The following SLC8A1 variants were observed in gnomAD, a reference collection of about 807,000 sequenced individuals.
SLC8A1 encodes the protein sodium/calcium exchanger 1.
In SLC8A1, 18 loss-of-function variants were observed where a neutral mutation model predicts 68.3. That is an observed-to-expected ratio of 0.26 (90% CI 0.18 to 0.39). The LOEUF (loss-of-function observed/expected upper bound fraction) is 0.39. SLC8A1 is among the 10% of genes least tolerant of loss of function. SLC8A1 has a pLI of 1.00. For synonymous variants in SLC8A1, 475 were observed against 415.5 expected (o/e 1.14, Z -1.74); for missense variants, 985 against 1,156.7 (o/e 0.85, Z 2.15).
intron 2 of SLC8A1, among the ~76,000 whole-genome samples, chr2:40,389,927 T>C (rs1365486456): frequency 6.6e-6 from 1 of 151,080 alleles, no homozygotes; most frequent in Non-Finnish European, 1.5e-5. Flanking sequence ...TTCCAATTTA[T>C]AGACACACAC....
chr2:40,400,413 G>C (rs1031939329), intron 2 of SLC8A1, among the ~76,000 whole-genome samples: 3 of 152,182 alleles, frequency 2.0e-5, no homozygotes, highest in Non-Finnish European at 4.4e-5. Context: ...GGCTATCTGA[G>C]AATTCACAAA....
chr2:40,413,692 A>G (rs1055213173), intron 2 of SLC8A1, among the ~76,000 whole-genome samples: 4 of 152,200 alleles, frequency 2.6e-5, no homozygotes, highest in Non-Finnish European at 4.4e-5. Context: ...ACTGCACAGC[A>G]TGATACAAAT....
At chr2:40,461,900 G>A (rs1703359032) in intron 1 of SLC8A1, among the ~76,000 whole-genome samples, 1 of 149,952 alleles carries the variant, frequency 6.7e-6, no homozygotes, top group African/African-American at 2.5e-5. Context: ...GAAATCTAGT[G>A]TTGATTTAAC....
intron 2 of SLC8A1, among the ~76,000 whole-genome samples, chr2:40,285,318 G>A (rs1328173524): frequency 6.6e-6 from 1 of 152,120 alleles, no homozygotes; most frequent in Non-Finnish European, 1.5e-5. Context: ...TAAGATAAGG[G>A]TTCTTTGTAA....
At position 40,395,182 on chromosome 2, in the gene SLC8A1, T is replaced by C. The variant is rs190642487; in HGVS notation, c.1808+33291A>G. Among the ~76,000 whole-genome samples, 44 of 152,214 alleles carry C rather than the reference T, an allele frequency of 2.9e-4. No individual in the cohort carries two copies. The South Asian group carries it at 8.5e-3, about 29-fold the overall frequency. Reference sequence around the variant, plus strand: ...GCAACAACTAAAGAAACAAAAACCTTTTGAGAAGTCTAAAAGAAGTAGAGA... The same window carrying C: ...GCAACAACTAAAGAAACAAAAACCTCTTGAGAAGTCTAAAAGAAGTAGAGA... On this transcript the variant is annotated intron_variant, in intron 2 of 7. Coordinates refer to ENST00000406785, the Ensembl canonical transcript of SLC8A1.
chr2:40,182,281 G>C (rs1431298181), intron 2 of SLC8A1, among the ~76,000 whole-genome samples: 2 of 152,056 alleles, frequency 1.3e-5, no homozygotes, highest in African/African-American at 2.4e-5. Context: ...AGAAAAACTG[G>C]TATCATGCAA....
At chr2:40,268,663 TCA>T (rs749217957) in intron 2 of SLC8A1, among the ~76,000 whole-genome samples, 4 of 152,058 alleles carry the variant, frequency 2.6e-5, no homozygotes, top group Non-Finnish European at 5.9e-5. Flanking sequence ...AGAAAATAGG[TCA>T]CAGTTGGTAG....
intron 2 of SLC8A1, among the ~76,000 whole-genome samples, chr2:40,289,811 A>C (rs1047207509): frequency 6.6e-6 from 1 of 152,100 alleles, no homozygotes; most frequent in Non-Finnish European, 1.5e-5. Flanking sequence ...CAGTGAGCCG[A>C]GATCGTGCCA....
At chr2:40,430,455 A>T (rs1311208454) in intron 1 of SLC8A1, among the ~76,000 whole-genome samples, 151 bp from the exon 2 acceptor site, 1 of 152,154 alleles carries the variant, frequency 6.6e-6, no homozygotes, top group Non-Finnish European at 1.5e-5. Flanking sequence ...ATATTTGACC[A>T]TCACAAAATC....
At chr2:40,307,040 T>G (rs1265879289) in intron 2 of SLC8A1, among the ~76,000 whole-genome samples, 1 of 152,054 alleles carries the variant, frequency 6.6e-6, no homozygotes, top group Admixed American at 6.6e-5. Flanking sequence ...CAAGAAATAT[T>G]TGCTCATCCA....
At chr2:40,170,832 A>G (rs532881869) in intron 4 of SLC8A1, among the ~76,000 whole-genome samples, 40 of 152,324 alleles carry the variant, frequency 2.6e-4, no homozygotes, top group East Asian at 9.6e-4. Flanking sequence ...AGTGCCAACA[A>G]TATAGCCTTG....
intron 2 of SLC8A1, among the ~76,000 whole-genome samples, chr2:40,263,809 A>G (rs2065015289): frequency 6.6e-6 from 1 of 152,216 alleles, no homozygotes. Flanking sequence ...CATGTCTAAA[A>G]CACAAAAAGC....
intron 2 of SLC8A1, among the ~76,000 whole-genome samples, chr2:40,204,778 ATAAT>A (rs1220366865): frequency 2.0e-5 from 3 of 152,038 alleles, no homozygotes; most frequent in Non-Finnish European, 4.4e-5. Context: ...ATCTTAACAT[ATAAT>A]TAATATAAAT....
intron 2 of SLC8A1, among the ~76,000 whole-genome samples, chr2:40,413,374 T>C (rs563602058): frequency 1.3e-5 from 2 of 152,194 alleles, no homozygotes; most frequent in Admixed American, 6.6e-5. Flanking sequence ...AATGATAGAC[T>C]GGATTAAAAA....
At chr2:40,329,064 A>T (rs949250108) in intron 2 of SLC8A1, among the ~76,000 whole-genome samples, 3 of 69,062 alleles carry the variant, frequency 4.3e-5, no homozygotes, top group African/African-American at 7.7e-5. Flanking sequence ...ACAACCTCAC[A>T]CACACACACA....
intron 2 of SLC8A1, among the ~76,000 whole-genome samples, chr2:40,223,394 A>C (rs1016322039): frequency 6.6e-6 from 1 of 152,168 alleles, no homozygotes; most frequent in Admixed American, 6.5e-5. Flanking sequence ...GAGGGATAGC[A>C]GTAGGAGGCA....
At chr2:40,139,531 A>G in exon 7 of SLC8A1, 2 of 1,614,162 alleles carry the variant, frequency 1.2e-6, no homozygotes, top group Non-Finnish European at 8.5e-7. Context: ...GGATGGAGAC[A>G]ATGAAACACG....
intron 2 of SLC8A1, among the ~76,000 whole-genome samples, chr2:40,293,881 G>A (rs1360138228): frequency 1.3e-5 from 2 of 152,128 alleles, no homozygotes; most frequent in Non-Finnish European, 2.9e-5. Context: ...TGAGTCAGTC[G>A]TAAAACAGAG....
intron 7 of SLC8A1, among the ~76,000 whole-genome samples, chr2:40,125,146 A>G (rs12478057): frequency 0.38 from 58,255 of 152,098 alleles, 12,075 homozygotes; most frequent in Middle Eastern, 0.51. Context: ...TCTCTCTGGG[A>G]AGGAGTGAAC....
Sources: gnomAD v4.1 joint callset for allele counts (sites outside exome capture counted in the v4.1 genomes callset) on GRCh38, gnomAD v4.1.1 for gene constraint, MANE v1.5 for transcripts, NCBI Gene and HGNC (gene_info 2026-07-23, HGNC 2026-07-21) for gene names.